The following MAGI2 variants were observed in gnomAD, a reference collection of about 807,000 sequenced individuals.
MAGI2 encodes membrane-associated guanylate kinase, WW and PDZ domain-containing protein 2.
Under a neutral mutation model 133.3 loss-of-function variants are expected in MAGI2, and 35 were observed. That is an observed-to-expected ratio of 0.26 (90% confidence interval 0.20 to 0.35). MAGI2 has a LOEUF of 0.35. Ranked by LOEUF, MAGI2 falls within the 10% of genes least tolerant of loss-of-function variation. The pLI is 1.00. For missense variants in MAGI2, 1,636 were observed against 1,863.4 expected (o/e 0.88, Z 2.25); for synonymous variants, 729 against 710.6 (o/e 1.03, Z -0.41).
At chr7:78,396,078 T>C (rs1047544473) in intron 6 of MAGI2, among the ~76,000 whole-genome samples, 1 of 152,162 alleles carries the variant, frequency 6.6e-6, no homozygotes, top group Admixed American at 6.6e-5. Context: ...TCAAGAAACA[T>C]GAGTAGAATA....
intron 6 of MAGI2, among the ~76,000 whole-genome samples, chr7:78,454,762 A>G (rs1279949035): frequency 6.6e-6 from 1 of 152,204 alleles, no homozygotes; most frequent in Non-Finnish European, 1.5e-5. Flanking sequence ...CTCTCAATCC[A>G]TGAAAAGTCA....
rs983050030 is a variant in MAGI2 at position 79,308,664 on chromosome 7, C to T, written c.301+144356G>A. Among the ~76,000 whole-genome samples the T allele has an allele frequency of 3.3e-5, 5 of 152,172 alleles. No homozygotes were observed. In the South Asian group the frequency reaches 8.3e-4, roughly 25 times the overall value. ...GGAAACATTTCTGGAATCATAATAC[C>T]AAGAAGAACATGCCTTAAAGAAATT... On this transcript the variant is annotated intron_variant, in intron 1 of 21. Coordinates refer to ENST00000354212, the MANE Select transcript of MAGI2 (RefSeq NM_012301.4).
At chr7:79,385,187 T>C (rs1844087141) in intron 1 of MAGI2, among the ~76,000 whole-genome samples, 1 of 151,798 alleles carries the variant, frequency 6.6e-6, no homozygotes, top group Non-Finnish European at 1.5e-5. Flanking sequence ...AATGTTGTAA[T>C]GGACTAGAAG....
At chr7:79,315,427 A>G (rs6466597) in intron 1 of MAGI2, among the ~76,000 whole-genome samples, 102,196 of 150,094 alleles carry the variant, frequency 0.68, 35,120 homozygotes, top group Admixed American at 0.72. Flanking sequence ...CACCCGCCTC[A>G]GCCCTCCAAA....
intron 3 of MAGI2, among the ~76,000 whole-genome samples, chr7:78,604,096 T>G (rs959906938): frequency 4.6e-5 from 7 of 152,212 alleles, no homozygotes; most frequent in African/African-American, 1.7e-4. Context: ...CTGGCAGCAC[T>G]GAAGACTAAA....
chr7:79,369,710 G>A (rs539108891), intron 1 of MAGI2, among the ~76,000 whole-genome samples: 3 of 152,288 alleles, frequency 2.0e-5, no homozygotes, highest in South Asian at 2.1e-4. Flanking sequence ...TGTAGAATAT[G>A]TAATGTACAT....
chr7:78,046,894 T>C (rs1811493415), intron 21 of MAGI2, among the ~76,000 whole-genome samples: 1 of 152,236 alleles, frequency 6.6e-6, no homozygotes, highest in African/African-American at 2.4e-5. Flanking sequence ...TCTTCCCTAA[T>C]GAAAACATAT....
chr7:78,585,091 C>T (rs1342485779), intron 3 of MAGI2, among the ~76,000 whole-genome samples: 1 of 152,080 alleles, frequency 6.6e-6, no homozygotes, highest in Non-Finnish European at 1.5e-5. Flanking sequence ...AAACAAACTT[C>T]GGAAGGAAGA....
chr7:78,672,942 C>G (rs557331923), intron 2 of MAGI2, among the ~76,000 whole-genome samples: 30 of 152,248 alleles, frequency 2.0e-4, no homozygotes, highest in African/African-American at 7.2e-4. Context: ...TCATCAATGG[C>G]TTTTATCATG....
chr7:79,186,014 T>C lies in MAGI2; in HGVS notation c.302-178808A>G, dbSNP rs771517069. On this transcript the variant is annotated intron_variant, in intron 1 of 21. Transcript: ENST00000354212. ...AACTGTCAGATCTAAATTGATGTAA[T>C]TTAACATTTTTTTGATAGTGAATTT... 1.6e-4 allele frequency among the ~76,000 whole-genome samples: 24 copies of C among 151,432 alleles called. 1 individual carries two copies. Among genetic ancestry groups the C allele is most frequent in the Non-Finnish European group, 2.5e-4 (17 of 67,876 alleles).
intron 1 of MAGI2, among the ~76,000 whole-genome samples, chr7:79,309,357 C>T (rs772980940): frequency 6.6e-6 from 1 of 150,886 alleles, no homozygotes; most frequent in Admixed American, 6.6e-5. Flanking sequence ...TTTGGCTACA[C>T]TTTCCTTAAA....
At chr7:78,744,708 T>A (rs964322814) in intron 2 of MAGI2, among the ~76,000 whole-genome samples, 2 of 152,204 alleles carry the variant, frequency 1.3e-5, no homozygotes, top group Admixed American at 6.5e-5. Flanking sequence ...TGGATTAATA[T>A]CACAGTATGC....
intron 2 of MAGI2, among the ~76,000 whole-genome samples, chr7:78,701,763 T>G (rs1481592591): frequency 6.6e-6 from 1 of 152,006 alleles, no homozygotes; most frequent in Non-Finnish European, 1.5e-5. Context: ...ACAGCTATAC[T>G]TGTTTATTCT....
At chr7:79,068,397 T>G (rs970662733) in intron 1 of MAGI2, among the ~76,000 whole-genome samples, 1 of 152,136 alleles carries the variant, frequency 6.6e-6, no homozygotes, top group Non-Finnish European at 1.5e-5. Flanking sequence ...TGCATAGAGG[T>G]GTTTGATGGT....
chr7:78,967,516 G>T (rs1803424088), intron 2 of MAGI2, among the ~76,000 whole-genome samples: 1 of 151,802 alleles, frequency 6.6e-6, no homozygotes, highest in East Asian at 1.9e-4. Flanking sequence ...AGAAATCATT[G>T]CCAAGACCAA....
intron 9 of MAGI2, among the ~76,000 whole-genome samples, chr7:78,294,285 A>C (rs1468082793): frequency 1.3e-5 from 2 of 152,158 alleles, no homozygotes; most frequent in Non-Finnish European, 2.9e-5. Flanking sequence ...TTTTAGGAGA[A>C]ATAATCTGAT....
At chr7:78,324,462 C>A (rs954223645) in intron 9 of MAGI2, among the ~76,000 whole-genome samples, 2 of 152,168 alleles carry the variant, frequency 1.3e-5, no homozygotes, top group Admixed American at 6.5e-5. Context: ...CTGGTGTGAT[C>A]TTGAGCTAGT....
intron 2 of MAGI2, among the ~76,000 whole-genome samples, chr7:78,915,649 A>AT (rs147371823): frequency 0.014 from 2,035 of 149,202 alleles, 41 homozygotes; most frequent in East Asian, 0.09. Context: ...GGCTTTCGTA[A>AT]TTTTTTTTTT....
At chr7:78,814,726 C>CTAT (rs1470794623) in intron 2 of MAGI2, among the ~76,000 whole-genome samples, 1 of 151,904 alleles carries the variant, frequency 6.6e-6, no homozygotes, top group Non-Finnish European at 1.5e-5. Flanking sequence ...ATTTAATTTT[C>CTAT]TATTATTATT....
Sources: gnomAD v4.1 joint callset for allele counts (sites outside exome capture counted in the v4.1 genomes callset) on GRCh38, gnomAD v4.1.1 for gene constraint, MANE v1.5 for transcripts, NCBI Gene and HGNC (gene_info 2026-07-23, HGNC 2026-07-21) for gene names.